Variants in ATP8A2 observed in about 807,000 individuals in gnomAD.
ATP8A2 encodes the protein ATPase phospholipid transporting 8A2, also known as phospholipid-transporting ATPase IB.
ATP8A2 carries 100 observed loss-of-function variants against 165.6 expected under a neutral mutation model. That is an observed-to-expected ratio of 0.60 (90% CI 0.51 to 0.71). The LOEUF is 0.71. ATP8A2 is among the 30% of genes least tolerant of loss of function. ATP8A2 has a pLI of 0.00. For synonymous variants in ATP8A2, 543 were observed against 548.8 expected (o/e 0.99, Z 0.15); for missense variants, 1,227 against 1,479.5 (o/e 0.83, Z 2.80).
chr13:25,891,920 T>C (rs1953375934), intron 33 of ATP8A2, among the ~76,000 whole-genome samples: 1 of 152,094 alleles, frequency 6.6e-6, no homozygotes, highest in African/African-American at 2.4e-5. Context: ...TGCGTGTGTG[T>C]GGTTTGCTTG....
intron 18 of ATP8A2, among the ~76,000 whole-genome samples, chr13:25,573,470 G>T (rs754536773): frequency 5.3e-5 from 8 of 152,146 alleles, no homozygotes; most frequent in Non-Finnish European, 1.0e-4. Flanking sequence ...GTAATAAAAA[G>T]AATCCTACTC....
intron 24 of ATP8A2, among the ~76,000 whole-genome samples, chr13:25,688,941 T>A (rs975000596): frequency 5.9e-5 from 9 of 152,268 alleles, no homozygotes; most frequent in African/African-American, 2.2e-4. Context: ...AGAATATTTT[T>A]AAATGATCTT....
At chr13:25,476,682 TG>T (rs1164274512) in intron 2 of ATP8A2, among the ~76,000 whole-genome samples, 1 of 152,254 alleles carries the variant, frequency 6.6e-6, no homozygotes, top group Non-Finnish European at 1.5e-5. Flanking sequence ...TTATCAAGTT[TG>T]GCAAAGGTAA....
intron 24 of ATP8A2, among the ~76,000 whole-genome samples, chr13:25,678,628 G>C (rs944218567): frequency 6.6e-6 from 1 of 152,148 alleles, no homozygotes; most frequent in Non-Finnish European, 1.5e-5. Context: ...TTGCCTTCCA[G>C]CACACGTGTT....
At chr13:25,839,861 A>G (rs1249705632) in intron 30 of ATP8A2, among the ~76,000 whole-genome samples, 2 of 152,190 alleles carry the variant, frequency 1.3e-5, no homozygotes, top group Non-Finnish European at 2.9e-5. Context: ...TTTGAGTACT[A>G]GGAATACTCA....
At position 25,494,536 on chromosome 13, in the gene ATP8A2, A is replaced by G. The variant is rs575439028; in HGVS notation, c.221+25415A>G. On this transcript the variant is annotated intron_variant, in intron 2 of 36. Transcript: ENST00000381655. Reference sequence around the variant, plus strand: ...TATGAAAAGAGAGGAGACTGTGGGGACACAGCCCGCTTTTCTGTTTGTTTG... The same window carrying G: ...TATGAAAAGAGAGGAGACTGTGGGGGCACAGCCCGCTTTTCTGTTTGTTTG... Among the ~76,000 whole-genome samples the G allele has an allele frequency of 1.5e-3, 224 of 152,250 alleles. 2 individuals are homozygous for G. The highest frequency in any genetic ancestry group is 5.1e-3 in the African/African-American group (213 of 41,530).
At chr13:25,931,696 G>T (rs1205529823) in intron 33 of ATP8A2, among the ~76,000 whole-genome samples, 4 of 152,160 alleles carry the variant, frequency 2.6e-5, no homozygotes, top group Admixed American at 2.0e-4. Context: ...GAATCTTGAA[G>T]CCCGTGGCCA....
intron 24 of ATP8A2, among the ~76,000 whole-genome samples, chr13:25,616,283 C>A (rs1461631581): frequency 6.7e-6 from 1 of 149,058 alleles, no homozygotes; most frequent in Non-Finnish European, 1.5e-5. Flanking sequence ...TTCCTTATTT[C>A]TATCCTTTAG....
rs1386466550 is a variant in ATP8A2 at position 26,025,667 on chromosome 13, G to A, written c.*5682G>A. 2 of 152,130 alleles carry A rather than the reference G, an allele frequency of 1.3e-5. No individual in the cohort carries two copies. Among genetic ancestry groups the A allele is most frequent in the African/African-American group, 4.8e-5 (2 of 41,412 alleles). 9.4% of individuals were successfully genotyped at this position (152,130 alleles called of 1,614,324 possible). ...TTTCACGTCCTATTAATGTCCTCTG[G>A]TTGTTAAATTACAGCAGCACATTAC... On this transcript the variant is annotated 3_prime_UTR_variant, in exon 37 of 37. Coordinates refer to ENST00000381655, the MANE Select transcript of ATP8A2 (RefSeq NM_016529.6).
chr13:25,927,151 T>A (rs1249118440), intron 33 of ATP8A2: 1 of 456,674 alleles, frequency 2.2e-6, no homozygotes, highest in Admixed American at 2.3e-5. Context: ...ACACAAACAC[T>A]AGCTGGATAT....
chr13:25,419,009 G>C (rs2034216726), intron 1 of ATP8A2, among the ~76,000 whole-genome samples: 1 of 152,086 alleles, frequency 6.6e-6, no homozygotes, highest in Non-Finnish European at 1.5e-5. Context: ...AGAAGGGAGG[G>C]GGAAGAAGGA....
intron 33 of ATP8A2, among the ~76,000 whole-genome samples, chr13:25,883,604 C>G (rs1380304076): frequency 6.6e-6 from 1 of 152,230 alleles, no homozygotes; most frequent in Non-Finnish European, 1.5e-5. Flanking sequence ...GTGCCTTGCA[C>G]TGGTCCTGTG....
chr13:25,773,114 G>A (rs1267179041), intron 26 of ATP8A2, among the ~76,000 whole-genome samples: 3 of 152,134 alleles, frequency 2.0e-5, no homozygotes, highest in Admixed American at 1.3e-4. Context: ...GTATATAACT[G>A]CAAAAGAATT....
intron 24 of ATP8A2, among the ~76,000 whole-genome samples, chr13:25,598,074 A>C (rs1320032792): frequency 6.6e-6 from 1 of 152,134 alleles, no homozygotes; most frequent in East Asian, 1.9e-4. Context: ...ATTGAGGTCC[A>C]GTTTATATCC....
At chr13:25,784,991 C>T (rs2044987373) in intron 27 of ATP8A2, among the ~76,000 whole-genome samples, 1 of 151,948 alleles carries the variant, frequency 6.6e-6, no homozygotes, top group Admixed American at 6.6e-5. Flanking sequence ...TCTCAAACTC[C>T]TAGCCTCATG....
intron 24 of ATP8A2, among the ~76,000 whole-genome samples, chr13:25,696,528 C>T (rs1040614996): frequency 3.3e-5 from 5 of 152,224 alleles, no homozygotes; most frequent in Non-Finnish European, 7.3e-5. Flanking sequence ...GAACTTGCTG[C>T]AGCTTCCTCG....
chr13:25,578,871 A>G lies in ATP8A2; in HGVS notation c.1839A>G (p.Leu613=). 1 of 1,611,514 alleles carries G rather than the reference A, an allele frequency of 6.2e-7. No homozygotes were observed. The highest frequency in any genetic ancestry group is 8.5e-7 in the Non-Finnish European group (1 of 1,177,654). ...SKDSKYMEET[L]CHLEYFATEG... is the part of the protein sequence containing the mutation. Reference sequence around the variant, plus strand: ...ACTCAAAATATATGGAGGAAACATTATGCCATCTGGAATACTTTGCCACGG... The same window carrying G: ...ACTCAAAATATATGGAGGAAACATTGTGCCATCTGGAATACTTTGCCACGG... Residue 613 remains leucine (L), a synonymous_variant, in exon 21 of 37, where the codon TTA becomes TTG. Transcript: ENST00000381655.
At chr13:25,508,061 T>C (rs2037106371) in intron 2 of ATP8A2, among the ~76,000 whole-genome samples, 1 of 152,022 alleles carries the variant, frequency 6.6e-6, no homozygotes, top group Non-Finnish European at 1.5e-5. Flanking sequence ...ATGTCTTACT[T>C]GACATAAGAC....
chr13:25,810,277 G>A (rs1950834825), intron 27 of ATP8A2, among the ~76,000 whole-genome samples: 2 of 152,216 alleles, frequency 1.3e-5, no homozygotes, highest in Admixed American at 1.3e-4. Context: ...AGTTAAAGAT[G>A]AGAATTTGAA....
Sources: allele counts gnomAD v4.1 joint callset (sites outside exome capture counted in the v4.1 genomes callset), GRCh38; gene constraint gnomAD v4.1.1; transcripts MANE v1.5; gene names NCBI Gene and HGNC (gene_info 2026-07-23, HGNC 2026-07-21).